The following CDH13 variants were observed in gnomAD, a reference collection of about 807,000 sequenced individuals.
CDH13 encodes cadherin-13.
CDH13 carries 24 observed loss-of-function variants against 63.8 expected under a neutral mutation model. The ratio of observed to expected loss-of-function variants is 0.38; its 90% CI spans 0.27 to 0.53. The LOEUF (loss-of-function observed/expected upper bound fraction) is 0.53. Among genes scored for constraint, CDH13 ranks in the 20% least tolerant of loss-of-function variants. The pLI is 0.85. For missense variants in CDH13, 1,049 were observed against 903.1 expected, an observed-to-expected ratio of 1.16 and a Z score of -2.07; for synonymous variants, 503 against 355.3, an observed-to-expected ratio of 1.42 and a Z score of -4.67.
chr16:83,264,748 G>A (rs1022415379), intron 5 of CDH13, among the ~76,000 whole-genome samples: 14 of 150,516 alleles, frequency 9.3e-5, no homozygotes, highest in Admixed American at 9.3e-4. Flanking sequence ...TCCTTTGGCT[G>A]GTTTTTTTTT....
chr16:83,276,083 A>G (rs1414627200), intron 5 of CDH13, among the ~76,000 whole-genome samples: 1 of 152,192 alleles, frequency 6.6e-6, no homozygotes, highest in African/African-American at 2.4e-5. Flanking sequence ...ATCATAGCAC[A>G]TCAGGATTGA....
intron 5 of CDH13, among the ~76,000 whole-genome samples, chr16:83,235,998 G>T (rs970966194): frequency 6.6e-6 from 1 of 152,168 alleles, no homozygotes; most frequent in Non-Finnish European, 1.5e-5. Context: ...ATATAGCTTA[G>T]ATGATTAATT....
At chr16:83,364,009 A>G (rs1026619354) in intron 6 of CDH13, among the ~76,000 whole-genome samples, 3 of 152,114 alleles carry the variant, frequency 2.0e-5, no homozygotes, top group Admixed American at 2.0e-4. Context: ...CATTCCCTCC[A>G]CACTCACCCC....
intron 1 of CDH13, among the ~76,000 whole-genome samples, chr16:82,674,898 T>G (rs1196744115): frequency 1.3e-5 from 2 of 152,168 alleles, no homozygotes; most frequent in Admixed American, 6.5e-5. Context: ...GCATTGTCTC[T>G]GGATTCAAAA....
Position 83,509,912 on chromosome 16 carries a change from C to A in CDH13, c.960+23257C>A, listed in dbSNP as rs74034230. On this transcript the variant is annotated intron_variant, in intron 7 of 13. Transcript: ENST00000567109. ...GGTAGATGACTGGCTCAAGGTCACA[C>A]AGCTACCAGCTGGCCAGGTGGCAAG... Among the ~76,000 whole-genome samples the A allele has an allele frequency of 2.6e-5, 4 of 152,296 alleles. No homozygotes were observed. In the East Asian group the frequency reaches 7.7e-4, roughly 29 times the overall value.
chr16:83,777,037 C>G (rs1488771369), intron 11 of CDH13, among the ~76,000 whole-genome samples: 1 of 152,220 alleles, frequency 6.6e-6, no homozygotes, highest in African/African-American at 2.4e-5. Flanking sequence ...CCACTGCACT[C>G]TGCTCTTCGG....
rs147177078 is a variant in CDH13 at position 83,339,097 on chromosome 16, T to C, written c.637-5765T>C. 3.1e-3 allele frequency among the ~76,000 whole-genome samples: 478 copies of C among 152,106 alleles called. 4 individuals carry two copies. The highest frequency in any genetic ancestry group is 0.011 in the African/African-American group (452 of 41,466). On this transcript the variant is annotated intron_variant, in intron 5 of 13. Transcript: ENST00000567109. ...TGGTGAGAAGTGACAGAAGCTAATC[T>C]CAAGGAGTGTTGAGGGGGATGGAGA...
intron 2 of CDH13, among the ~76,000 whole-genome samples, chr16:82,935,057 C>G (rs1454638083): frequency 4.6e-5 from 7 of 152,186 alleles, no homozygotes; most frequent in African/African-American, 1.7e-4. Context: ...TTAGTCTATT[C>G]TCACACTGCT....
Position 82,842,141 on chromosome 16 carries a change from CATATAT to C in CDH13, c.46-16203_46-16198del, listed in dbSNP as rs1170008694. Reference sequence around the variant, plus strand: ...ATATATATATATATATATATATACACATATATATATATATATATATATACACACACA... The same window carrying C: ...ATATATATATATATATATATATACACATATATATATATATATACACACACA... On this transcript the variant is annotated intron_variant, in intron 1 of 13. Coordinates refer to ENST00000567109, the MANE Select transcript of CDH13 (RefSeq NM_001257.5). Among the ~76,000 whole-genome samples, 173 of 62,344 alleles carry C rather than the reference CATATAT, an allele frequency of 2.8e-3. 15 individuals carry two copies. The highest frequency in any genetic ancestry group is 8.3e-3 in the African/African-American group (163 of 19,654). The allele number at this position is 62,344 out of a possible 152,430, so 40.9% of individuals were successfully genotyped here. A position where few individuals can be genotyped will look rare whatever the true frequency, so the allele number is the denominator to read the frequency against.
At chr16:83,232,113 C>T (rs1250541781) in intron 5 of CDH13, among the ~76,000 whole-genome samples, 1 of 151,042 alleles carries the variant, frequency 6.6e-6, no homozygotes. Context: ...AGGCTTAATA[C>T]CTGATTGATG....
intron 2 of CDH13, among the ~76,000 whole-genome samples, chr16:82,966,399 C>A (rs867940637): frequency 2.6e-4 from 39 of 152,176 alleles, no homozygotes; most frequent in Middle Eastern, 6.8e-3. Flanking sequence ...CGCCCACCTC[C>A]GCCTCCCAAA....
intron 7 of CDH13, among the ~76,000 whole-genome samples, chr16:83,516,097 C>G (rs529137022): frequency 6.6e-6 from 1 of 152,274 alleles, no homozygotes; most frequent in Non-Finnish European, 1.5e-5. Flanking sequence ...GTGGTGGGTT[C>G]TTATCTTCAT....
intron 3 of CDH13, among the ~76,000 whole-genome samples, chr16:83,079,784 T>C (rs374760933): frequency 6.6e-6 from 1 of 152,258 alleles, no homozygotes; most frequent in African/African-American, 2.4e-5. Context: ...GAACATGATT[T>C]TAATGACTGC....
rs534162347 is a variant in CDH13 at position 83,263,862 on chromosome 16, A to G, written c.636+46365A>G. 3.9e-5 allele frequency among the ~76,000 whole-genome samples: 6 copies of G among 152,238 alleles called. No individual in the cohort carries two copies. In the East Asian group the frequency reaches 1.2e-3, roughly 29 times the overall value. On this transcript the variant is annotated intron_variant, in intron 5 of 13. Transcript: ENST00000567109. ...CTAGAGACACTGTGAACATCCCACT[A>G]CTTGCCACTGAGGCTGAATTTTTTA...
intron 1 of CDH13, among the ~76,000 whole-genome samples, chr16:82,805,013 A>G (rs2151167735): frequency 6.6e-6 from 1 of 152,310 alleles, no homozygotes; most frequent in Middle Eastern, 3.4e-3. Context: ...ATCTTTCCTT[A>G]TCCAGAGGCG....
intron 3 of CDH13, among the ~76,000 whole-genome samples, chr16:83,098,220 G>A (rs4628954): frequency 0.37 from 56,878 of 152,086 alleles, 12,034 homozygotes; most frequent in Middle Eastern, 0.58. Context: ...ATCACAGTTC[G>A]TGTTAAATAA....
chr16:83,635,931 A>G (rs970243005), intron 8 of CDH13, among the ~76,000 whole-genome samples: 47 of 152,054 alleles, frequency 3.1e-4, no homozygotes, highest in African/African-American at 1.1e-3. Flanking sequence ...AAATTTTTAT[A>G]GTTGTATTTT....
intron 2 of CDH13, chr16:82,884,142 CGCTGTTTCTTTCCTTAT>C (rs1227781607): frequency 2.0e-5 from 9 of 450,880 alleles, no homozygotes; most frequent in Non-Finnish European, 4.0e-5. Flanking sequence ...TCTGCATGCA[CGCTGTTTCTTTCCTTAT>C]GCTGTTTCTT....
intron 6 of CDH13, among the ~76,000 whole-genome samples, chr16:83,400,157 A>G (rs2091946479): frequency 6.6e-6 from 1 of 151,860 alleles, no homozygotes; most frequent in African/African-American, 2.4e-5. Flanking sequence ...GATTTAACAG[A>G]TATTAGAGAA....
Sources: gnomAD v4.1 joint callset for allele counts (sites outside exome capture counted in the v4.1 genomes callset) on GRCh38, gnomAD v4.1.1 for gene constraint, MANE v1.5 for transcripts, NCBI Gene and HGNC (gene_info 2026-07-23, HGNC 2026-07-21) for gene names.